Variants in DCC observed in about 807,000 individuals in gnomAD.
DCC encodes the protein netrin receptor DCC.
A neutral mutation model predicts 172.5 loss-of-function variants in DCC; 58 were observed. That is an observed-to-expected ratio of 0.34 (90% CI 0.27 to 0.42). The LOEUF (loss-of-function observed/expected upper bound fraction) is 0.42. Among genes scored for constraint, DCC ranks in the 10% least tolerant of loss-of-function variants. DCC has a pLI of 1.00. For missense variants in DCC, 1,740 were observed against 1,791.0 expected (o/e 0.97, Z 0.51); for synonymous variants, 709 against 644.5 (o/e 1.10, Z -1.52).
At chr18:52,746,516 T>G (rs909861227) in intron 1 of DCC, among the ~76,000 whole-genome samples, 4 of 152,168 alleles carry the variant, frequency 2.6e-5, no homozygotes, top group African/African-American at 9.7e-5. Flanking sequence ...CACTTAACAA[T>G]GTTTGATATT....
At chr18:52,570,840 G>C (rs1204722118) in intron 1 of DCC, among the ~76,000 whole-genome samples, 2 of 152,106 alleles carry the variant, frequency 1.3e-5, no homozygotes, top group Non-Finnish European at 2.9e-5. Context: ...GTACTGTACA[G>C]TTCAGGAAGT....
chr18:53,174,588 A>C (rs1382568111), intron 8 of DCC, among the ~76,000 whole-genome samples: 1 of 151,280 alleles, frequency 6.6e-6, no homozygotes, highest in Non-Finnish European at 1.5e-5. Flanking sequence ...GAAATGGATA[A>C]ATTCCTTGAC....
At chr18:52,968,335 C>T (rs2040968661) in intron 5 of DCC, among the ~76,000 whole-genome samples, 1 of 152,012 alleles carries the variant, frequency 6.6e-6, no homozygotes, top group African/African-American at 2.4e-5. Context: ...CAGGCAGGGA[C>T]TAAGGAAAAG....
intron 25 of DCC, among the ~76,000 whole-genome samples, chr18:53,479,444 C>T (rs1350542873): frequency 6.6e-6 from 1 of 152,100 alleles, no homozygotes; most frequent in Non-Finnish European, 1.5e-5. Context: ...GAACTGGAGA[C>T]CTAGATGTCG....
chr18:52,929,145 A>G (rs1156323652), intron 5 of DCC, among the ~76,000 whole-genome samples: 1 of 152,124 alleles, frequency 6.6e-6, no homozygotes, highest in Non-Finnish European at 1.5e-5. Context: ...GTATTGAGGC[A>G]GAAGTATTCA....
At chr18:52,348,418 C>T (rs1029954648) in intron 1 of DCC, among the ~76,000 whole-genome samples, 22 of 152,308 alleles carry the variant, frequency 1.4e-4, no homozygotes, top group African/African-American at 4.8e-4. Flanking sequence ...AAACCCCCAC[C>T]AGGGGCAGAT....
At chr18:52,400,221 G>A (rs1473450746) in intron 1 of DCC, among the ~76,000 whole-genome samples, 3 of 151,930 alleles carry the variant, frequency 2.0e-5, no homozygotes, top group Non-Finnish European at 4.4e-5. Flanking sequence ...CATAAGGGTA[G>A]CAAGGAATAT....
chr18:52,340,456 C>G lies in DCC; in HGVS notation c.-332C>G. The stretch of plus-strand genomic sequence containing the variant: ...ATGTGGTTTATTGATGACTTGCGAG[C>G]CCCTCAGAGAGCTGTCTTCCCTCCT... On this transcript the variant is annotated 5_prime_UTR_variant, in exon 1 of 29. Coordinates refer to ENST00000442544, the MANE Select transcript of DCC (RefSeq NM_005215.4). 1 of 419,818 alleles carries G rather than the reference C, an allele frequency of 2.4e-6. No individual in the cohort carries two copies. Among genetic ancestry groups the G allele is most frequent in the Non-Finnish European group, 4.4e-6 (1 of 225,186 alleles). 26.0% of individuals were successfully genotyped at this position (419,818 alleles called of 1,614,324 possible). A position where few individuals can be genotyped will look rare whatever the true frequency, so the allele number is the denominator to read the frequency against.
At chr18:53,404,628 G>A (rs1431328341) in intron 19 of DCC, among the ~76,000 whole-genome samples, 9 of 152,054 alleles carry the variant, frequency 5.9e-5, no homozygotes, top group Non-Finnish European at 1.3e-4. Context: ...CTACTCTGGA[G>A]GCTGAGGCAG....
At chr18:53,092,641 A>G (rs138305190) in intron 7 of DCC, among the ~76,000 whole-genome samples, 1 of 152,334 alleles carries the variant, frequency 6.6e-6, no homozygotes, top group Non-Finnish European at 1.5e-5. Context: ...AAGATCTAAC[A>G]TGCATGAAAG....
At position 53,534,241 on chromosome 18, in the gene DCC, G is replaced by A. The variant is rs1356538721; in HGVS notation, c.*3588G>A. 6.6e-6 allele frequency: 1 copy of A among 152,174 alleles called. No individual in the cohort carries two copies. Among genetic ancestry groups the A allele is most frequent in the Non-Finnish European group, 1.5e-5 (1 of 68,034 alleles). 9.4% of individuals were successfully genotyped at this position (152,174 alleles called of 1,614,324 possible). Reference sequence around the variant, plus strand: ...CCCAGAATTCTTATGGTTTCGGAATGTACATTTCTAGTCAATGAAAGAAAG... The same window carrying A: ...CCCAGAATTCTTATGGTTTCGGAATATACATTTCTAGTCAATGAAAGAAAG... On this transcript the variant is annotated 3_prime_UTR_variant, in exon 29 of 29. Coordinates refer to ENST00000442544, the MANE Select transcript of DCC (RefSeq NM_005215.4).
chr18:52,673,874 A>G (rs1473864452), intron 1 of DCC, among the ~76,000 whole-genome samples: 2 of 152,190 alleles, frequency 1.3e-5, no homozygotes, highest in Admixed American at 1.3e-4. Flanking sequence ...TAGTGCCTCC[A>G]CTAGGTGCTT....
intron 5 of DCC, among the ~76,000 whole-genome samples, chr18:52,959,934 C>A (rs2040814924): frequency 1.3e-5 from 2 of 152,036 alleles, no homozygotes; most frequent in Admixed American, 6.6e-5. Context: ...AGCTCTGAAC[C>A]TTCTTCGAAA....
At chr18:52,592,709 T>C (rs932893402) in intron 1 of DCC, among the ~76,000 whole-genome samples, 1 of 152,150 alleles carries the variant, frequency 6.6e-6, no homozygotes, top group Non-Finnish European at 1.5e-5. Context: ...TCTCAACTCA[T>C]TGTAACGTCC....
chr18:53,019,065 T>C (rs2041845517), intron 5 of DCC, among the ~76,000 whole-genome samples: 1 of 152,186 alleles, frequency 6.6e-6, no homozygotes, highest in Admixed American at 6.5e-5. Context: ...CTTTAATCAG[T>C]GGTTAAAATT....
At chr18:52,750,260 A>T (rs1485355380) in intron 1 of DCC, among the ~76,000 whole-genome samples, 1 of 152,196 alleles carries the variant, frequency 6.6e-6, no homozygotes, top group African/African-American at 2.4e-5. Flanking sequence ...TTTCTGAGTC[A>T]TGAATTTTGA....
chr18:53,068,963 G>T (rs1039377747), intron 7 of DCC, among the ~76,000 whole-genome samples: 1 of 152,034 alleles, frequency 6.6e-6, no homozygotes, highest in Non-Finnish European at 1.5e-5. Context: ...ATACTTAATA[G>T]GGACTTATGA....
intron 5 of DCC, among the ~76,000 whole-genome samples, chr18:53,044,022 A>G (rs1230201784): frequency 1.3e-5 from 2 of 151,892 alleles, no homozygotes; most frequent in African/African-American, 4.8e-5. Context: ...AGCTTCAAAT[A>G]TGTTTCATAA....
At chr18:52,963,096 T>C (rs2040870129) in intron 5 of DCC, among the ~76,000 whole-genome samples, 1 of 151,454 alleles carries the variant, frequency 6.6e-6, no homozygotes, top group African/African-American at 2.4e-5. Flanking sequence ...AAACTTAAAT[T>C]ATAATTATAA....
Sources: allele counts gnomAD v4.1 joint callset (sites outside exome capture counted in the v4.1 genomes callset), GRCh38; gene constraint gnomAD v4.1.1; transcripts MANE v1.5; gene names NCBI Gene and HGNC (gene_info 2026-07-23, HGNC 2026-07-21).